The following CDC37L1 variants were observed in gnomAD, a reference collection of about 807,000 sequenced individuals.
CDC37L1 encodes cell division cycle 37 like 1, HSP90 cochaperone, also known as hsp90 co-chaperone Cdc37-like 1.
In CDC37L1, 32 loss-of-function variants were observed where a neutral mutation model predicts 45.9. That is an observed-to-expected ratio of 0.70 (90% CI 0.53 to 0.94). The LOEUF (loss-of-function observed/expected upper bound fraction) is 0.94, where lower values mean the gene tolerates loss of function less well. Ranked by LOEUF, CDC37L1 falls within the 40% of genes least tolerant of loss-of-function variation. The pLI is 0.00. For synonymous variants in CDC37L1, 150 were observed against 133.0 expected (o/e 1.13, Z -0.88); for missense variants, 434 against 405.7 (o/e 1.07, Z -0.60).
chr9:4,688,209 A>T (rs1436441238), intron 2 of CDC37L1, among the ~76,000 whole-genome samples: 1 of 152,194 alleles, frequency 6.6e-6, no homozygotes, highest in Non-Finnish European at 1.5e-5. Context: ...TATGTTGGCC[A>T]GGCTGGTCTT....
Position 4,701,992 on chromosome 9 carries a change from T to C in CDC37L1, c.876T>C (p.Gly292=), listed in dbSNP as rs373055014. The change falls in exon 6 of 7, where the codon GGT becomes GGC. Residue 292 remains glycine (G), a synonymous_variant. Coordinates refer to ENST00000381854, the MANE Select transcript of CDC37L1 (RefSeq NM_017913.4). ...MTVQNHVPHS[G]VGSIGLLESL... ...TTCAGAATCATGTTCCCCATTCTGG[T>C]GTTGGATCTATAGGTTTATTAGAAT... 14 of 1,533,794 alleles carry C rather than the reference T, an allele frequency of 9.1e-6. No homozygotes were observed. The highest frequency in any genetic ancestry group is 4.3e-5 in the African/African-American group (3 of 70,454).
At chr9:4,696,584 T>C (rs763914898) in intron 3 of CDC37L1, among the ~76,000 whole-genome samples, 15 of 152,202 alleles carry the variant, frequency 9.9e-5, no homozygotes, top group Non-Finnish European at 2.1e-4. Context: ...CCGTGATTTC[T>C]TGGTGGTATT....
intron 6 of CDC37L1, among the ~76,000 whole-genome samples, chr9:4,704,437 T>C (rs966684290): frequency 2.6e-5 from 4 of 152,246 alleles, no homozygotes; most frequent in African/African-American, 9.6e-5. Flanking sequence ...AGGTCGGGTA[T>C]ACCGATTCCT....
rs1047999598 is a variant in CDC37L1 at position 4,679,589 on chromosome 9, C to A, written c.-179C>A. ...TATTTCTTCCGCCGTCCGCCGGTGG[C>A]GAGGCCCAGGCTGTCGCCGGGTGTG... On this transcript the variant is annotated 5_prime_UTR_variant, in exon 1 of 7. Coordinates refer to ENST00000381854, the MANE Select transcript of CDC37L1 (RefSeq NM_017913.4). 7 of 534,834 alleles carry A rather than the reference C, an allele frequency of 1.3e-5. No individual in the cohort carries two copies. Among genetic ancestry groups the A allele is most frequent in the African/African-American group, 7.9e-5 (4 of 50,724 alleles). 33.1% of individuals were successfully genotyped at this position (534,834 alleles called of 1,614,324 possible).
At chr9:4,686,847 G>A (rs1449872661) in intron 2 of CDC37L1, among the ~76,000 whole-genome samples, 1 of 152,204 alleles carries the variant, frequency 6.6e-6, no homozygotes, top group African/African-American at 2.4e-5. Context: ...ATTGAGATGT[G>A]CTGTAAGTGT....
At chr9:4,703,218 G>A in intron 6 of CDC37L1, 1 of 1,100,442 alleles carries the variant, frequency 9.1e-7, no homozygotes, top group Non-Finnish European at 1.2e-6. Flanking sequence ...GCTAAAAATT[G>A]GGATTTTCAG....
intron 2 of CDC37L1, among the ~76,000 whole-genome samples, chr9:4,686,851 T>A (rs567587805): frequency 6.6e-6 from 1 of 152,232 alleles, no homozygotes; most frequent in Non-Finnish European, 1.5e-5. Flanking sequence ...AGATGTGCTG[T>A]AAGTGTAAAA....
chr9:4,679,664 C>T lies in CDC37L1; in HGVS notation c.-104C>T, dbSNP rs949512504. 1.3e-4 allele frequency: 145 copies of T among 1,115,082 alleles called. 2 individuals carry two copies. The South Asian group carries it at 2.3e-3, about 18-fold the overall frequency. 69.1% of individuals were successfully genotyped at this position (1,115,082 alleles called of 1,614,324 possible). A position where few individuals can be genotyped will look rare whatever the true frequency, so the allele number is the denominator to read the frequency against. On this transcript the variant is annotated 5_prime_UTR_variant, in exon 1 of 7. Coordinates refer to ENST00000381854, the MANE Select transcript of CDC37L1 (RefSeq NM_017913.4). Reference sequence around the variant, plus strand: ...GATTCTGGGTAACGGCCCGGACCCCCGGCTGGGCTTCTGGCTCGGCGCAGC... The same window carrying T: ...GATTCTGGGTAACGGCCCGGACCCCTGGCTGGGCTTCTGGCTCGGCGCAGC...
At chr9:4,700,190 C>G (rs1314052440) in intron 5 of CDC37L1, among the ~76,000 whole-genome samples, 3 of 152,188 alleles carry the variant, frequency 2.0e-5, no homozygotes, top group Non-Finnish European at 4.4e-5. Context: ...AGGTCCTGCT[C>G]TGTCACTCAG....
chr9:4,703,247 C>G (rs1051362922), intron 6 of CDC37L1: 9 of 637,088 alleles, frequency 1.4e-5, no homozygotes, highest in African/African-American at 1.9e-5. Context: ...CCTTATCTCA[C>G]TGTAATTTCA....
At chr9:4,690,446 T>C (rs749849544) in intron 3 of CDC37L1, among the ~76,000 whole-genome samples, 4 of 152,180 alleles carry the variant, frequency 2.6e-5, no homozygotes, top group Non-Finnish European at 5.9e-5. Context: ...ACTAGTAAAT[T>C]AGGTGTTCAG....
At chr9:4,693,359 C>G (rs1468390233) in intron 3 of CDC37L1, among the ~76,000 whole-genome samples, 1 of 151,914 alleles carries the variant, frequency 6.6e-6, no homozygotes, top group African/African-American at 2.4e-5. Context: ...GGGAGGATCT[C>G]TTGAGCCCAG....
chr9:4,685,502 C>G (rs753727048), intron 2 of CDC37L1: 2 of 182,954 alleles, frequency 1.1e-5, no homozygotes, highest in Non-Finnish European at 2.4e-5. Context: ...ATTTTGTACC[C>G]CCTACACTGA....
At chr9:4,700,071 T>C (rs1330230800) in intron 5 of CDC37L1, among the ~76,000 whole-genome samples, 1 of 152,154 alleles carries the variant, frequency 6.6e-6, no homozygotes, top group East Asian at 1.9e-4. Context: ...GCAACCAAAA[T>C]ATGAAATTTT....
chr9:4,680,232 C>T (rs144452071), intron 1 of CDC37L1, among the ~76,000 whole-genome samples: 1 of 152,304 alleles, frequency 6.6e-6, no homozygotes, highest in Non-Finnish European at 1.5e-5. Flanking sequence ...AACATTGACC[C>T]TTTGTCCTCT....
chr9:4,701,569 G>A (rs1212313716), intron 5 of CDC37L1, among the ~76,000 whole-genome samples: 1 of 151,196 alleles, frequency 6.6e-6, no homozygotes. Flanking sequence ...ATAAGTCAAG[G>A]AAAATACAGA....
rs544551838 is a variant in CDC37L1, at chr9:4,686,685, A to G, written c.414+1527A>G. 2.2e-4 allele frequency among the ~76,000 whole-genome samples: 33 copies of G among 152,332 alleles called. No individual in the cohort carries two copies. The South Asian group carries it at 6.6e-3, about 31-fold the overall frequency. On this transcript the variant is annotated intron_variant, in intron 2 of 6. Coordinates refer to ENST00000381854, the MANE Select transcript of CDC37L1 (RefSeq NM_017913.4). Reference sequence around the variant, plus strand: ...ACATTTATCTCACAAATTAATTAGGACTATCTTTATGTTCCAGTCATTTGC... The same window carrying G: ...ACATTTATCTCACAAATTAATTAGGGCTATCTTTATGTTCCAGTCATTTGC...
rs1266880442 is a variant in CDC37L1 at position 4,708,397 on chromosome 9, A to G, written c.*2285A>G. Reference sequence around the variant, plus strand: ...ATTTGAATAAAAAAATTTTTAAATCAAATAGCTGTCCATTTATTCTCTGTT... The same window carrying G: ...ATTTGAATAAAAAAATTTTTAAATCGAATAGCTGTCCATTTATTCTCTGTT... On this transcript the variant is annotated 3_prime_UTR_variant, in exon 7 of 7. Coordinates refer to ENST00000381854, the MANE Select transcript of CDC37L1 (RefSeq NM_017913.4). 3 of 135,514 alleles carry G rather than the reference A, an allele frequency of 2.2e-5. No homozygotes were observed. The highest frequency in any genetic ancestry group is 4.7e-5 in the Non-Finnish European group (3 of 63,860). The allele number at this position is 135,514 out of a possible 1,614,324, so 8.4% of individuals were successfully genotyped here.
intron 6 of CDC37L1, 30 bp from the exon 7 acceptor site, chr9:4,705,981 C>T (rs1480044824): frequency 5.6e-6 from 6 of 1,071,700 alleles, no homozygotes; most frequent in East Asian, 2.4e-5. Flanking sequence ...TTCTTTTTCT[C>T]CCCCCAATCT....
Sources: gnomAD v4.1 joint callset for allele counts (sites outside exome capture counted in the v4.1 genomes callset) on GRCh38, gnomAD v4.1.1 for gene constraint, MANE v1.5 for transcripts, NCBI Gene and HGNC (gene_info 2026-07-23, HGNC 2026-07-21) for gene names.